Variants in CCDC146 observed in about 807,000 individuals in gnomAD.
CCDC146 encodes coiled-coil domain containing 146.
Under a neutral mutation model 119.3 loss-of-function variants are expected in CCDC146, and 92 were observed. That is an observed-to-expected ratio of 0.77 (90% CI 0.65 to 0.92). The LOEUF (loss-of-function observed/expected upper bound fraction) is 0.92. CCDC146 is among the 40% of genes least tolerant of loss of function. The pLI, the probability that CCDC146 is intolerant of heterozygous loss-of-function variation, is 0.00. For missense variants in CCDC146, 1,000 were observed against 1,103.0 expected, an observed-to-expected ratio of 0.91 and a Z score of 1.32; for synonymous variants, 372 against 371.8, an observed-to-expected ratio of 1.00 and a Z score of -0.01.
chr7:77,151,690 C>A (rs1229345442), intron 1 of CCDC146, among the ~76,000 whole-genome samples: 1 of 152,118 alleles, frequency 6.6e-6, no homozygotes, highest in Non-Finnish European at 1.5e-5. Context: ...ATAAGACCTG[C>A]ATTCAGGGTC....
At chr7:77,153,403 G>A (rs1205524591) in intron 1 of CCDC146, among the ~76,000 whole-genome samples, 1 of 149,714 alleles carries the variant, frequency 6.7e-6, no homozygotes, top group African/African-American at 2.5e-5. Context: ...AAAAATTCCA[G>A]CAAGGAGGAC....
rs868000418 is a variant in CCDC146 at position 77,203,043 on chromosome 7, C to G, written c.157-33904C>G. Among the ~76,000 whole-genome samples, 1,321 of 145,314 alleles carry G rather than the reference C, an allele frequency of 9.1e-3. 22 individuals carry two copies. Among genetic ancestry groups the G allele is most frequent in the Middle Eastern group, 0.014 (4 of 284 alleles). ...AAATAAAATACTTGCCCCCCCCCCC[C>G]CCAGGACTATTTTAGGAATGAATCT... On this transcript the variant is annotated intron_variant, in intron 2 of 18. Coordinates refer to ENST00000285871, the MANE Select transcript of CCDC146 (RefSeq NM_020879.3).
intron 2 of CCDC146, among the ~76,000 whole-genome samples, chr7:77,213,968 C>T (rs1370289624): frequency 6.6e-6 from 1 of 152,008 alleles, no homozygotes; most frequent in Non-Finnish European, 1.5e-5. Flanking sequence ...ATTTCTTTTC[C>T]TTTGAGAATC....
chr7:77,278,716 G>A lies in CCDC146; in HGVS notation c.1441-36G>A, dbSNP rs973374443. 3 of 1,417,134 alleles carry A rather than the reference G, an allele frequency of 2.1e-6. No individual in the cohort carries two copies. The Admixed American group carries it at 5.3e-5, about 25-fold the overall frequency. The allele number at this position is 1,417,134 out of a possible 1,614,324, so 87.8% of individuals were successfully genotyped here. The stretch of plus-strand genomic sequence containing the variant: ...GGGATAAATCTGGGAGTGTTCATAT[G>A]TTGTTATTTATTTCACATTTTTTTG... On this transcript the variant is annotated intron_variant, in intron 11 of 18. Transcript: ENST00000285871.
chr7:77,279,005 A>G lies in CCDC146; in HGVS notation c.1598A>G (p.His533Arg), dbSNP rs1793711372. 2.5e-6 allele frequency: 4 copies of G among 1,612,866 alleles called. No homozygotes were observed. The highest frequency in any genetic ancestry group is 1.7e-4 in the Middle Eastern group (1 of 6,056). ...NERNKFVNLLHKAHQKVNEIK... is the reference protein window; with the variant it reads ...NERNKFVNLLRKAHQKVNEIK... ...AGAAACAAATTTGTTAACTTACTCC[A>G]CAAAGCTCATCAGAAAGTAAATGAA... The change falls in exon 13 of 19, where the codon CAC becomes CGC. Residue 533 changes from histidine to arginine, a missense_variant. His to Arg is a conservative substitution (Grantham distance 29). Coordinates refer to ENST00000285871, the MANE Select transcript of CCDC146 (RefSeq NM_020879.3).
intron 2 of CCDC146, among the ~76,000 whole-genome samples, chr7:77,192,204 A>G (rs976187003): frequency 2.0e-5 from 3 of 152,212 alleles, no homozygotes; most frequent in East Asian, 3.9e-4. Context: ...TGTGCCACCA[A>G]CACCCAGCTG....
At chr7:77,233,677 T>C (rs893839959) in intron 2 of CCDC146, among the ~76,000 whole-genome samples, 3 of 152,060 alleles carry the variant, frequency 2.0e-5, no homozygotes, top group African/African-American at 7.2e-5. Context: ...CATTTCACAA[T>C]GGGGTTTATG....
chr7:77,294,551 CAGCT>C, intron 18 of CCDC146, 108 bp from the exon 19 acceptor site: 1 of 889,898 alleles, frequency 1.1e-6, no homozygotes. Flanking sequence ...TGGGGAGTAT[CAGCT>C]AGCACGGTCA....
At chr7:77,215,358 A>G (rs961340112) in intron 2 of CCDC146, among the ~76,000 whole-genome samples, 9 of 151,984 alleles carry the variant, frequency 5.9e-5, no homozygotes, top group Non-Finnish European at 1.5e-5. Flanking sequence ...AGTCTTGGGT[A>G]GATTTTTTGC....
At chr7:77,123,056 A>C (rs1169991054) in intron 1 of CCDC146, among the ~76,000 whole-genome samples, 1 of 144,784 alleles carries the variant, frequency 6.9e-6, no homozygotes, top group Non-Finnish European at 1.5e-5. Flanking sequence ...TTTTGTGAGG[A>C]TCAAGTAAGA....
intron 2 of CCDC146, among the ~76,000 whole-genome samples, chr7:77,219,711 TAAAC>T (rs1792366014): frequency 6.6e-6 from 1 of 152,056 alleles, no homozygotes; most frequent in Non-Finnish European, 1.5e-5. Flanking sequence ...GTCTGAGAAA[TAAAC>T]AGAAAGAGTA....
intron 18 of CCDC146, 146 bp downstream of exon 18, chr7:77,293,346 T>C: frequency 2.2e-6 from 2 of 902,380 alleles, no homozygotes; most frequent in South Asian, 3.4e-5. Flanking sequence ...ATTTAAGATA[T>C]TCTATGATAA....
chr7:77,198,249 G>A (rs185048918), intron 2 of CCDC146: 1 of 985,422 alleles, frequency 1.0e-6, no homozygotes, highest in African/African-American at 1.7e-5. Context: ...CCTGGGGATG[G>A]AGCATGCCTG....
At position 77,190,904 on chromosome 7, in the gene CCDC146, A is replaced by C. The variant is rs142640834; in HGVS notation, c.156+23080A>C. On this transcript the variant is annotated intron_variant, in intron 2 of 18. Transcript: ENST00000285871. ...TAAAGGATTCATGGATTTTATATTAAAATTAATTTCAAAATTATTCCTGCT... is the reference window on the plus strand; with the variant it reads ...TAAAGGATTCATGGATTTTATATTACAATTAATTTCAAAATTATTCCTGCT... Among the ~76,000 whole-genome samples, 38 of 152,294 alleles carry C rather than the reference A, an allele frequency of 2.5e-4. No homozygotes were observed. The East Asian group carries it at 5.4e-3, about 22-fold the overall frequency.
chr7:77,138,950 G>T (rs1271025245), intron 1 of CCDC146, among the ~76,000 whole-genome samples: 1 of 152,202 alleles, frequency 6.6e-6, no homozygotes, highest in Non-Finnish European at 1.5e-5. Flanking sequence ...TGGAAGATAG[G>T]CAGCGTCTTA....
chr7:77,246,094 ATAGT>A (rs1792944822), intron 4 of CCDC146, among the ~76,000 whole-genome samples: 1 of 151,968 alleles, frequency 6.6e-6, no homozygotes, highest in African/African-American at 2.4e-5. Context: ...GACTCACATT[ATAGT>A]TAGAGGACCG....
rs1204535209 is a variant in CCDC146, at chr7:77,262,169, C to T, written c.1035C>T (p.Asn345=). Reference sequence around the variant, plus strand: ...GCAACAGTCTCATTGACAAGCAGAACTACCATGATGAACTTTCTCGTAAGC... The same window carrying T: ...GCAACAGTCTCATTGACAAGCAGAATTACCATGATGAACTTTCTCGTAAGC... ...NLRNSLIDKQ[N]YHDELSRKQR... is the part of the protein sequence containing the mutation. Residue 345 remains asparagine (N), a synonymous_variant, in exon 9 of 19, where the codon AAC becomes AAT. Coordinates refer to ENST00000285871, the MANE Select transcript of CCDC146 (RefSeq NM_020879.3). The T allele has an allele frequency of 8.1e-6, 13 of 1,613,324 alleles. No homozygotes were observed. The highest frequency in any genetic ancestry group is 1.0e-5 in the Non-Finnish European group (12 of 1,179,674).
chr7:77,142,148 A>G (rs1348172334), intron 1 of CCDC146, among the ~76,000 whole-genome samples: 1 of 152,096 alleles, frequency 6.6e-6, no homozygotes, highest in East Asian at 1.9e-4. Flanking sequence ...TCCTTTTGAA[A>G]ACTGGCACAA....
At chr7:77,219,026 AT>A (rs1397645500) in intron 2 of CCDC146, among the ~76,000 whole-genome samples, 11 of 152,336 alleles carry the variant, frequency 7.2e-5, no homozygotes, top group Admixed American at 6.5e-4. Flanking sequence ...TATCTTACAT[AT>A]TTTAAGAGAT....
Sources: gnomAD v4.1 joint callset for allele counts (sites outside exome capture counted in the v4.1 genomes callset) on GRCh38, gnomAD v4.1.1 for gene constraint, MANE v1.5 for transcripts, NCBI Gene and HGNC (gene_info 2026-07-23, HGNC 2026-07-21) for gene names.